Variants in WDR7 observed in about 807,000 individuals in gnomAD.
The protein encoded by WDR7 is WD repeat-containing protein 7.
Under a neutral mutation model 169.4 loss-of-function variants are expected in WDR7, and 46 were observed. That is an observed-to-expected ratio of 0.27 (90% CI 0.21 to 0.35). The LOEUF (loss-of-function observed/expected upper bound fraction) is 0.35, where lower values mean the gene tolerates loss of function less well. WDR7 is among the 10% of genes least tolerant of loss of function. The probability of loss-of-function intolerance (pLI) is 1.00; values close to 1 mark genes in which losing one functional copy is unlikely to be tolerated. For missense variants in WDR7, 1,534 were observed against 1,859.3 expected, an observed-to-expected ratio of 0.83 and a Z score of 3.22; for synonymous variants, 612 against 666.8, an observed-to-expected ratio of 0.92 and a Z score of 1.27.
intron 21 of WDR7, among the ~76,000 whole-genome samples, chr18:56,922,082 T>C (rs2046732369): frequency 6.6e-6 from 1 of 152,208 alleles, no homozygotes; most frequent in Non-Finnish European, 1.5e-5. Context: ...TCAGGATGTC[T>C]GCAGAGAATA....
chr18:56,765,814 CTA>C (rs1443781376), intron 16 of WDR7, among the ~76,000 whole-genome samples: 1 of 151,716 alleles, frequency 6.6e-6, no homozygotes, highest in East Asian at 1.9e-4. Flanking sequence ...ATCTATCTAT[CTA>C]TTTATTTATT....
rs372714724 is a variant in WDR7, at chr18:56,779,385, A to G, written c.2948-46A>G. 1.2e-5 allele frequency: 18 copies of G among 1,488,184 alleles called. No individual in the cohort carries two copies. The African/African-American group carries it at 2.4e-4, about 20-fold the overall frequency. 92.2% of individuals were successfully genotyped at this position (1,488,184 alleles called of 1,614,324 possible). A position where few individuals can be genotyped will look rare whatever the true frequency, so the allele number is the denominator to read the frequency against. ...ACATAAAGAACTGTTGACTTAGGGA[A>G]TGCCAAAATGGTTAAAGAATTTGTA... On this transcript the variant is annotated intron_variant, in intron 17 of 27. Transcript: ENST00000254442.
At chr18:56,955,122 C>T (rs1204839142) in intron 25 of WDR7, among the ~76,000 whole-genome samples, 1 of 152,114 alleles carries the variant, frequency 6.6e-6, no homozygotes. Context: ...TGTAAAGTAG[C>T]TTCAGTCCTA....
rs529101931 is a variant in WDR7, at chr18:56,803,986, T to G, written c.3191-12045T>G. On this transcript the variant is annotated intron_variant, in intron 19 of 27. Transcript: ENST00000254442. The stretch of plus-strand genomic sequence containing the variant: ...TAATGTTTGTATTCTTTTGTAGAAA[T>G]GAGGTTTTGCCAAGTTGCTCAGGCA... Among the ~76,000 whole-genome samples, 33 of 152,148 alleles carry G rather than the reference T, an allele frequency of 2.2e-4. 1 individual carries two copies. Among genetic ancestry groups the G allele is most frequent in the Non-Finnish European group, 1.3e-4 (9 of 68,018 alleles).
At chr18:56,808,056 C>A (rs1217222529) in intron 19 of WDR7, among the ~76,000 whole-genome samples, 1 of 152,094 alleles carries the variant, frequency 6.6e-6, no homozygotes, top group Non-Finnish European at 1.5e-5. Context: ...ATGTAGGCAG[C>A]CAGACAGGCA....
In WDR7 at chr18:56,683,018, C is replaced by A. The variant is rs577477475; in HGVS notation, c.520+165C>A. On this transcript the variant is annotated intron_variant, in intron 5 of 27. Coordinates refer to ENST00000254442, the MANE Select transcript of WDR7 (RefSeq NM_015285.3). ...TCTGTTTCTTCCTTCATAAAGAAAT[C>A]TTTGATTGAATGAAGACTTAATTGT... is the stretch of plus-strand genomic sequence containing the variant. Among the ~76,000 whole-genome samples, 11 of 152,252 alleles carry A rather than the reference C, an allele frequency of 7.2e-5. No individual in the cohort carries two copies. In the South Asian group the frequency reaches 2.1e-3, roughly 29 times the overall value.
At chr18:57,023,954 G>T (rs2048323786) in intron 27 of WDR7, among the ~76,000 whole-genome samples, 1 of 152,134 alleles carries the variant, frequency 6.6e-6, no homozygotes, top group Non-Finnish European at 1.5e-5. Context: ...AGAGAAGACT[G>T]CCATCAGCAT....
chr18:56,907,159 G>T (rs1408750787), intron 21 of WDR7, among the ~76,000 whole-genome samples: 2 of 152,146 alleles, frequency 1.3e-5, no homozygotes, highest in Non-Finnish European at 2.9e-5. Flanking sequence ...GTGACCATCT[G>T]TTTCCTTTAT....
chr18:56,835,049 G>A (rs1474196700), intron 20 of WDR7, among the ~76,000 whole-genome samples: 1 of 152,106 alleles, frequency 6.6e-6, no homozygotes, highest in Non-Finnish European at 1.5e-5. Context: ...CATCAGCCCT[G>A]ACGTCACTCT....
chr18:56,979,523 C>T (rs2047612029), intron 26 of WDR7, among the ~76,000 whole-genome samples: 2 of 152,152 alleles, frequency 1.3e-5, no homozygotes, highest in African/African-American at 4.8e-5. Flanking sequence ...AAGGAAGTCA[C>T]CAATATCTTG....
chr18:56,849,604 A>C (rs1285901827), intron 20 of WDR7, among the ~76,000 whole-genome samples: 1 of 152,178 alleles, frequency 6.6e-6, no homozygotes, highest in South Asian at 2.1e-4. Context: ...CCTAGTTGAC[A>C]TCACTTTGAT....
intron 2 of WDR7, 21 bp downstream of exon 2, chr18:56,672,695 T>G: frequency 6.4e-7 from 1 of 1,570,126 alleles, no homozygotes; most frequent in Admixed American, 1.9e-5. Flanking sequence ...GAAATGCCTA[T>G]TATACATTTT....
At chr18:56,686,341 A>G (rs2025443567) in intron 6 of WDR7, among the ~76,000 whole-genome samples, 1 of 152,168 alleles carries the variant, frequency 6.6e-6, no homozygotes, top group Non-Finnish European at 1.5e-5. Context: ...AATTGACTCA[A>G]AGGAAAAAAA....
At chr18:56,786,301 C>T (rs929308964) in intron 19 of WDR7, among the ~76,000 whole-genome samples, 10 of 152,018 alleles carry the variant, frequency 6.6e-5, no homozygotes, top group Non-Finnish European at 8.8e-5. Flanking sequence ...GAGGCCGAAG[C>T]GGGCGGATTG....
intron 25 of WDR7, among the ~76,000 whole-genome samples, chr18:56,941,407 T>C (rs1235388301): frequency 6.6e-6 from 1 of 152,160 alleles, no homozygotes; most frequent in African/African-American, 2.4e-5. Context: ...TGGTGGATTC[T>C]GGAAGCTTCA....
chr18:56,983,112 A>T (rs1473516302), intron 26 of WDR7, among the ~76,000 whole-genome samples: 1 of 152,200 alleles, frequency 6.6e-6, no homozygotes, highest in Non-Finnish European at 1.5e-5. Context: ...GTAGGTGTGA[A>T]GGGACAACAA....
chr18:56,732,466 T>A (rs1206221233), intron 14 of WDR7, among the ~76,000 whole-genome samples: 1 of 152,194 alleles, frequency 6.6e-6, no homozygotes, highest in Non-Finnish European at 1.5e-5. Flanking sequence ...GACATGTGAA[T>A]AAATAGTAAA....
chr18:56,820,022 T>G (rs967839415), intron 20 of WDR7, among the ~76,000 whole-genome samples: 6 of 152,194 alleles, frequency 3.9e-5, no homozygotes, highest in Admixed American at 1.3e-4. Flanking sequence ...AATTTTGGAT[T>G]GATCATAATC....
chr18:56,846,662 C>G (rs1220442941), intron 20 of WDR7, among the ~76,000 whole-genome samples: 1 of 152,152 alleles, frequency 6.6e-6, no homozygotes, highest in Non-Finnish European at 1.5e-5. Flanking sequence ...AGTTCTCATT[C>G]TGGTAGTTCA....
Sources: allele counts gnomAD v4.1 joint callset (sites outside exome capture counted in the v4.1 genomes callset), GRCh38; gene constraint gnomAD v4.1.1; transcripts MANE v1.5; gene names NCBI Gene and HGNC (gene_info 2026-07-23, HGNC 2026-07-21).